Variants in FAM184A observed in about 807,000 individuals in gnomAD.
FAM184A encodes family with sequence similarity 184 member A.
FAM184A carries 99 observed loss-of-function variants against 143.8 expected under a neutral mutation model. The ratio of observed to expected loss-of-function variants is 0.69; its 90% CI spans 0.58 to 0.81. The LOEUF is 0.81. Among genes scored for constraint, FAM184A ranks in the 40% least tolerant of loss-of-function variants. The pLI is 0.00. For missense variants in FAM184A, 1,217 were observed against 1,310.5 expected, an observed-to-expected ratio of 0.93 and a Z score of 1.10; for synonymous variants, 427 against 446.4, an observed-to-expected ratio of 0.96 and a Z score of 0.55.
intron 9 of FAM184A, among the ~76,000 whole-genome samples, chr6:118,988,558 GCC>G (rs1562462685): frequency 1.3e-5 from 2 of 152,166 alleles, no homozygotes; most frequent in East Asian, 3.8e-4. Context: ...GGTGAAAACC[GCC>G]AACACTAACT....
At chr6:119,009,768 G>A (rs1299932501) in intron 6 of FAM184A, among the ~76,000 whole-genome samples, 1 of 152,064 alleles carries the variant, frequency 6.6e-6, no homozygotes, top group African/African-American at 2.4e-5. Context: ...GTGTCTGTCT[G>A]TCCATAGTAG....
intron 5 of FAM184A, among the ~76,000 whole-genome samples, chr6:119,013,403 A>G (rs1191622082): frequency 2.0e-5 from 3 of 152,256 alleles, no homozygotes; most frequent in Non-Finnish European, 2.9e-5. Flanking sequence ...AAATATTCCA[A>G]TAAGAAAGAA....
At chr6:119,102,523 C>A (rs1012670056) in intron 1 of FAM184A, among the ~76,000 whole-genome samples, 5 of 152,008 alleles carry the variant, frequency 3.3e-5, no homozygotes, top group African/African-American at 1.2e-4. Flanking sequence ...CACAGTGGCT[C>A]ACACCTGTAA....
At chr6:119,087,128 G>A (rs533911999) in intron 1 of FAM184A, among the ~76,000 whole-genome samples, 1 of 152,254 alleles carries the variant, frequency 6.6e-6, no homozygotes, top group Non-Finnish European at 1.5e-5. Flanking sequence ...AGAAAACCTA[G>A]ATTAACCCCA....
chr6:119,087,851 T>C (rs1788264708), intron 1 of FAM184A, among the ~76,000 whole-genome samples: 1 of 152,194 alleles, frequency 6.6e-6, no homozygotes, highest in African/African-American at 2.4e-5. Flanking sequence ...GCAGCCCAAA[T>C]GTGTATTGAT....
chr6:118,992,254 T>C (rs2114613991), intron 9 of FAM184A, among the ~76,000 whole-genome samples: 1 of 152,200 alleles, frequency 6.6e-6, no homozygotes, highest in East Asian at 1.9e-4. Context: ...GGAGGTGGAA[T>C]AAATAGGATT....
At position 119,014,184 on chromosome 6, in the gene FAM184A, T is replaced by C. The variant is rs555901160; in HGVS notation, c.1530+2563A>G. ...TAGATTTTTTAAAAGATGCAAAACA[T>C]TACTGTAGTATGTGGTACATAGTAA... On this transcript the variant is annotated intron_variant, in intron 5 of 17. Transcript: ENST00000338891. 2.0e-5 allele frequency among the ~76,000 whole-genome samples: 3 copies of C among 152,368 alleles called. No homozygotes were observed. The South Asian group carries it at 6.2e-4, about 32-fold the overall frequency.
intron 12 of FAM184A, among the ~76,000 whole-genome samples, 183 bp downstream of exon 12, chr6:118,975,734 T>C (rs1783825678): frequency 6.6e-6 from 1 of 152,176 alleles, no homozygotes; most frequent in Non-Finnish European, 1.5e-5. Context: ...CACTCCAGCC[T>C]CAGTGACAAA....
chr6:118,968,900 C>T (rs1424167849), intron 14 of FAM184A, among the ~76,000 whole-genome samples: 1 of 152,136 alleles, frequency 6.6e-6, no homozygotes, highest in Non-Finnish European at 1.5e-5. Flanking sequence ...CCTTTGCCTA[C>T]AGAATTATTA....
chr6:119,084,191 C>T (rs1027403601), intron 1 of FAM184A, among the ~76,000 whole-genome samples: 2 of 152,120 alleles, frequency 1.3e-5, no homozygotes, highest in African/African-American at 4.8e-5. Context: ...GAAATTGTCC[C>T]CATGATTCAA....
At chr6:119,054,026 T>C (rs1786866310) in intron 1 of FAM184A, among the ~76,000 whole-genome samples, 1 of 152,158 alleles carries the variant, frequency 6.6e-6, no homozygotes, top group South Asian at 2.1e-4. Flanking sequence ...GGATATGAAG[T>C]TAATGTAATG....
At chr6:118,974,388 T>A in intron 14 of FAM184A, 40 bp downstream of exon 14, 1 of 1,561,318 alleles carries the variant, frequency 6.4e-7, no homozygotes, top group Non-Finnish European at 8.7e-7. Flanking sequence ...CTCCTAAATT[T>A]ATTATCCACA....
intron 14 of FAM184A, among the ~76,000 whole-genome samples, chr6:118,971,462 T>C (rs998434382): frequency 6.6e-6 from 1 of 152,176 alleles, no homozygotes; most frequent in African/African-American, 2.4e-5. Flanking sequence ...TCTTTTTGCA[T>C]ATTAAAAATC....
intron 1 of FAM184A, among the ~76,000 whole-genome samples, chr6:119,058,579 G>A (rs1562131979): frequency 6.6e-6 from 1 of 152,154 alleles, no homozygotes; most frequent in Non-Finnish European, 1.5e-5. Flanking sequence ...AAATGATAGT[G>A]AATGACTTCT....
chr6:119,132,589 T>A (rs997549961), intron 1 of FAM184A, among the ~76,000 whole-genome samples: 4 of 152,340 alleles, frequency 2.6e-5, no homozygotes, highest in East Asian at 1.9e-4. Flanking sequence ...CAAATTTTTT[T>A]AAAAAACGTA....
intron 1 of FAM184A, among the ~76,000 whole-genome samples, chr6:119,046,219 T>C (rs932384138): frequency 4.7e-5 from 7 of 149,466 alleles, no homozygotes; most frequent in African/African-American, 1.5e-4. Flanking sequence ...TGATAGAAAA[T>C]GTATACCTTT....
At chr6:118,968,690 A>G (rs1382513758) in intron 14 of FAM184A, among the ~76,000 whole-genome samples, 1 of 152,258 alleles carries the variant, frequency 6.6e-6, no homozygotes, top group African/African-American at 2.4e-5. Flanking sequence ...CAGCTGAGCA[A>G]GAATACTTGG....
chr6:118,964,737 T>C lies in FAM184A; in HGVS notation c.3068A>G (p.Asn1023Ser), dbSNP rs370309300. 1.9e-5 allele frequency: 30 copies of C among 1,606,788 alleles called. No homozygotes were observed. The highest frequency in any genetic ancestry group is 9.4e-5 in the African/African-American group (7 of 74,766). Reference protein sequence around the residue: ...DNKFYQLELVNRETNFNKVFN... With the variant: ...DNKFYQLELVSRETNFNKVFN... ...CACTTTGTTGAAGTTAGTTTCTCGA[T>C]TGACTAATTCCAGCTGATAAAACTT... is the stretch of plus-strand genomic sequence containing the variant. Residue 1023 changes from asparagine (N) to serine (S), a missense_variant, in exon 16 of 18, where the codon AAT becomes AGT. Asn to Ser is a conservative substitution (Grantham distance 46). Transcript: ENST00000338891.
chr6:118,991,832 G>A (rs1784389572), intron 9 of FAM184A, among the ~76,000 whole-genome samples: 2 of 134,084 alleles, frequency 1.5e-5, no homozygotes, highest in Admixed American at 8.8e-5. Flanking sequence ...GTATGATCTC[G>A]GCTCTCTGCA....
Sources: allele counts gnomAD v4.1 joint callset (sites outside exome capture counted in the v4.1 genomes callset), GRCh38; gene constraint gnomAD v4.1.1; transcripts MANE v1.5; gene names NCBI Gene and HGNC (gene_info 2026-07-23, HGNC 2026-07-21).